The following TERF2 variants were observed in gnomAD, a reference collection of about 807,000 sequenced individuals.
TERF2 encodes the protein telomeric repeat-binding factor 2.
Under a neutral mutation model 56.1 loss-of-function variants are expected in TERF2, and 16 were observed. The observed-to-expected ratio is 0.29, with a 90% CI of 0.19 to 0.43. TERF2 has a LOEUF of 0.43. Among genes scored for constraint, TERF2 ranks in the 20% least tolerant of loss-of-function variants. The probability of loss-of-function intolerance (pLI) is 1.00; values close to 1 mark genes in which losing one functional copy is unlikely to be tolerated. For missense variants in TERF2, 547 were observed against 712.9 expected (o/e 0.77, Z 2.65); for synonymous variants, 296 against 282.1 (o/e 1.05, Z -0.50).
In TERF2 at chr16:69,385,502, T is replaced by C; in HGVS notation, c.380-16A>G. On this transcript the variant is annotated splice_polypyrimidine_tract_variant and intron_variant, in intron 1 of 9. Transcript: ENST00000254942. ...ACAAGCAAAGCTGGGAGAGAAGACA[T>C]CGTTGGCTGGGCGACCCCCAGTCCC... 4 of 1,613,602 alleles carry C rather than the reference T, an allele frequency of 2.5e-6. No individual in the cohort carries two copies. The highest frequency in any genetic ancestry group is 1.1e-5 in the South Asian group (1 of 91,060).
At chr16:69,370,300 G>A in intron 5 of TERF2, 183 bp downstream of exon 5, 2 of 788,606 alleles carry the variant, frequency 2.5e-6, no homozygotes, top group East Asian at 5.7e-5. Context: ...CAAAGTGCTG[G>A]GATTACAGGC....
intron 6 of TERF2, among the ~76,000 whole-genome samples, chr16:69,367,417 G>C (rs2013393681): frequency 6.6e-6 from 1 of 152,146 alleles, no homozygotes; most frequent in Non-Finnish European, 1.5e-5. Flanking sequence ...GTCCTAGACA[G>C]TAGATAGGAC....
chr16:69,376,154 T>C (rs2013770954), intron 3 of TERF2, among the ~76,000 whole-genome samples: 1 of 152,210 alleles, frequency 6.6e-6, no homozygotes. Flanking sequence ...ACATAAAGAT[T>C]CCTTCATGTT....
chr16:69,381,813 A>G (rs1158558298), intron 3 of TERF2, among the ~76,000 whole-genome samples: 2 of 152,182 alleles, frequency 1.3e-5, no homozygotes, highest in Non-Finnish European at 2.9e-5. Flanking sequence ...AAAATCCTGA[A>G]AAGATGTTTA....
Position 69,356,267 on chromosome 16 carries a change from C to T in TERF2, c.*631G>A, listed in dbSNP as rs1055193216. The T allele has an allele frequency of 2.5e-5, 11 of 443,454 alleles. No individual in the cohort carries two copies. The highest frequency in any genetic ancestry group is 2.2e-4 in the African/African-American group (11 of 49,280). The allele number at this position is 443,454 out of a possible 1,614,324, so 27.5% of individuals were successfully genotyped here. ...TGGCTCCTAATAGACTTCACCATTT[C>T]CTAGGAGAAGGTTCTACAGATTACC... is the stretch of plus-strand genomic sequence containing the variant. On this transcript the variant is annotated 3_prime_UTR_variant, in exon 10 of 10. Transcript: ENST00000254942.
chr16:69,358,657 T>TA (rs2013011489), intron 8 of TERF2, among the ~76,000 whole-genome samples: 1 of 152,244 alleles, frequency 6.6e-6, no homozygotes, highest in South Asian at 2.1e-4. Context: ...GCCTAGGCTC[T>TA]AGCCTGCAAC....
At chr16:69,371,769 T>TG (rs1597251727) in intron 4 of TERF2, among the ~76,000 whole-genome samples, 1 of 151,920 alleles carries the variant, frequency 6.6e-6, no homozygotes, top group Non-Finnish European at 1.5e-5. Flanking sequence ...GAACTATGAC[T>TG]GCACCACTGC....
At chr16:69,378,320 G>A (rs1367974859) in intron 3 of TERF2, among the ~76,000 whole-genome samples, 1 of 152,216 alleles carries the variant, frequency 6.6e-6, no homozygotes, top group Non-Finnish European at 1.5e-5. Context: ...TTTGTTCCAT[G>A]TTCTGGGGAT....
chr16:69,357,848 T>C (rs989474134), intron 8 of TERF2, among the ~76,000 whole-genome samples: 12 of 75,552 alleles, frequency 1.6e-4, no homozygotes, highest in African/African-American at 6.3e-4. Flanking sequence ...ATCGTTTTCT[T>C]TTTTTTTTTT....
rs1465459913 is a variant in TERF2 at position 69,355,876 on chromosome 16, G to A, written c.*1022C>T. The stretch of plus-strand genomic sequence containing the variant: ...AGCTTTAAAAGTCCAGCATAAGGAA[G>A]GGAATTGGGAAAAGAGGCAGGGGAC... On this transcript the variant is annotated 3_prime_UTR_variant, in exon 10 of 10. Coordinates refer to ENST00000254942, the MANE Select transcript of TERF2 (RefSeq NM_005652.5). 6.4e-6 allele frequency: 1 copy of A among 157,144 alleles called. No individual in the cohort carries two copies. The highest frequency in any genetic ancestry group is 2.4e-5 in the African/African-American group (1 of 41,474). The allele number at this position is 157,144 out of a possible 1,614,324, so 9.7% of individuals were successfully genotyped here.
chr16:69,366,600 C>A, intron 7 of TERF2: 1 of 600,084 alleles, frequency 1.7e-6, no homozygotes, highest in Non-Finnish European at 2.8e-6. Flanking sequence ...TGCCCTAGTG[C>A]AAGGCTTGGA....
rs2142693274 is a variant in TERF2 at position 69,356,092 on chromosome 16, T to C, written c.*806A>G. On this transcript the variant is annotated 3_prime_UTR_variant, in exon 10 of 10. Transcript: ENST00000254942. The stretch of plus-strand genomic sequence containing the variant: ...GCTAAAGAGTTTTTAAAGGGAATCT[T>C]ATTCCACAAGGACTGGTCTGTCATC... 2.5e-6 allele frequency: 1 copy of C among 394,356 alleles called. No individual in the cohort carries two copies. The highest frequency in any genetic ancestry group is 2.1e-5 in the African/African-American group (1 of 47,918). 24.4% of individuals were successfully genotyped at this position (394,356 alleles called of 1,614,324 possible).
intron 3 of TERF2, among the ~76,000 whole-genome samples, chr16:69,372,719 G>A (rs1321770138): frequency 1.3e-5 from 2 of 152,028 alleles, no homozygotes; most frequent in South Asian, 2.1e-4. Context: ...CCGAGATCGC[G>A]CCACTGCACT....
intron 3 of TERF2, among the ~76,000 whole-genome samples, chr16:69,379,459 T>C (rs2013914324): frequency 6.6e-6 from 1 of 152,236 alleles, no homozygotes; most frequent in Non-Finnish European, 1.5e-5. Flanking sequence ...TTGCTACCCC[T>C]TGTTCTCTAA....
intron 3 of TERF2, among the ~76,000 whole-genome samples, chr16:69,380,386 C>T (rs539504119): frequency 1.2e-4 from 18 of 152,068 alleles, no homozygotes; most frequent in South Asian, 2.1e-4. Context: ...GTCAGCTGGG[C>T]GCAGTGGCTC....
chr16:69,383,079 G>A (rs764404152), intron 3 of TERF2, among the ~76,000 whole-genome samples: 9 of 152,168 alleles, frequency 5.9e-5, no homozygotes, highest in East Asian at 5.8e-4. Flanking sequence ...TAATAAATAC[G>A]CAGCTGAAAG....
chr16:69,376,384 T>C (rs1181939451), intron 3 of TERF2, among the ~76,000 whole-genome samples: 1 of 152,174 alleles, frequency 6.6e-6, no homozygotes, highest in Admixed American at 6.5e-5. Context: ...TTTTAGATGC[T>C]CTCTTCTGTT....
intron 5 of TERF2, among the ~76,000 whole-genome samples, chr16:69,369,079 A>AT (rs1175539603): frequency 1.3e-5 from 1 of 77,044 alleles, no homozygotes; most frequent in Non-Finnish European, 2.7e-5. Flanking sequence ...CCTTATCTAT[A>AT]TAACACAAAG....
At chr16:69,366,128 T>C (rs1746877272) in intron 7 of TERF2, 1 of 152,194 alleles carries the variant, frequency 6.6e-6, no homozygotes, top group Admixed American at 6.5e-5. Context: ...AAATGGGATT[T>C]GGACAAGCAA....
Sources: allele counts gnomAD v4.1 joint callset (sites outside exome capture counted in the v4.1 genomes callset), GRCh38; gene constraint gnomAD v4.1.1; transcripts MANE v1.5; gene names NCBI Gene and HGNC (gene_info 2026-07-23, HGNC 2026-07-21).